SH3GL3: variants seen among roughly 807,000 people sequenced by gnomAD.
SH3GL3 encodes the protein SH3 domain containing GRB2 like 3, endophilin A3.
A neutral mutation model predicts 47.7 loss-of-function variants in SH3GL3; 33 were observed. The ratio of observed to expected loss-of-function variants is 0.69; its 90% CI spans 0.52 to 0.92. The LOEUF (loss-of-function observed/expected upper bound fraction) is 0.92. Ranked by LOEUF, SH3GL3 falls within the 40% of genes least tolerant of loss-of-function variation. SH3GL3 has a pLI of 0.00. For synonymous variants in SH3GL3, 155 were observed against 148.8 expected (o/e 1.04, Z -0.30); for missense variants, 363 against 417.8 (o/e 0.87, Z 1.14).
intron 1 of SH3GL3, among the ~76,000 whole-genome samples, chr15:83,509,538 T>G (rs766082322): frequency 6.6e-6 from 1 of 152,204 alleles, no homozygotes. Flanking sequence ...AGGTTAAGAC[T>G]TCATATGTCA....
At chr15:83,602,954 A>G (rs1257504001) in intron 8 of SH3GL3, among the ~76,000 whole-genome samples, 1 of 152,062 alleles carries the variant, frequency 6.6e-6, no homozygotes, top group Admixed American at 6.6e-5. Flanking sequence ...CTTACAGTTT[A>G]GTAGACACAG....
chr15:83,617,894 G>A (rs1033414655), intron 8 of SH3GL3, among the ~76,000 whole-genome samples, 188 bp from the exon 9 acceptor site: 6 of 152,068 alleles, frequency 3.9e-5, no homozygotes, highest in African/African-American at 7.2e-5. Context: ...TGGGGTTGGC[G>A]CAGGCAGCTG....
At chr15:83,584,136 T>G (rs752378884) in intron 6 of SH3GL3, among the ~76,000 whole-genome samples, 2 of 152,138 alleles carry the variant, frequency 1.3e-5, no homozygotes, top group Non-Finnish European at 2.9e-5. Flanking sequence ...AGAAGCTGCT[T>G]CTTTGCCTTT....
At chr15:83,609,263 T>A (rs1264458378) in intron 8 of SH3GL3, 1 of 456,022 alleles carries the variant, frequency 2.2e-6, no homozygotes, top group Admixed American at 2.3e-5. Context: ...GTTATCTGAT[T>A]TCCCAGCCTA....
At chr15:83,490,676 T>C (rs2041837976) in intron 1 of SH3GL3, 1 of 1,215,366 alleles carries the variant, frequency 8.2e-7, no homozygotes, top group Non-Finnish European at 1.1e-6. Flanking sequence ...GGATAGCACC[T>C]GCACATCAGG....
At chr15:83,553,412 C>G (rs2044766573) in intron 1 of SH3GL3, among the ~76,000 whole-genome samples, 1 of 151,978 alleles carries the variant, frequency 6.6e-6, no homozygotes, top group African/African-American at 2.4e-5. Flanking sequence ...GAATTTAATC[C>G]AATTATATAG....
downstream of SH3GL3, among the ~76,000 whole-genome samples, chr15:83,623,184 C>T (rs2060919629): frequency 3.3e-5 from 5 of 152,214 alleles, no homozygotes; most frequent in Non-Finnish European, 5.9e-5. Context: ...CAAACCTTAA[C>T]CCTTCTCTCA....
chr15:83,450,357 A>C (rs1189467968), intron 1 of SH3GL3, among the ~76,000 whole-genome samples: 2 of 152,220 alleles, frequency 1.3e-5, no homozygotes, highest in African/African-American at 2.4e-5. Context: ...TTCTTAAGTA[A>C]GTTAAGCATT....
chr15:83,472,428 T>C (rs1389735338), intron 1 of SH3GL3, among the ~76,000 whole-genome samples: 1 of 152,220 alleles, frequency 6.6e-6, no homozygotes, highest in African/African-American at 2.4e-5. Context: ...CTCTCTGTTG[T>C]TCAGATTGGG....
chr15:83,596,877 G>A (rs926190831), intron 8 of SH3GL3, among the ~76,000 whole-genome samples: 8 of 151,392 alleles, frequency 5.3e-5, no homozygotes, highest in Admixed American at 2.6e-4. Context: ...GTCCTTCCTC[G>A]GACAAAAAGT....
intron 6 of SH3GL3, among the ~76,000 whole-genome samples, chr15:83,583,836 C>T (rs971201933): frequency 3.3e-5 from 5 of 152,056 alleles, no homozygotes; most frequent in African/African-American, 1.2e-4. Context: ...AATGAAGTCC[C>T]CAGGCCCAGC....
At chr15:83,586,929 T>G in intron 6 of SH3GL3, 54 bp from the exon 7 acceptor site, 1 of 926,410 alleles carries the variant, frequency 1.1e-6, no homozygotes, top group South Asian at 1.5e-5. Context: ...CCTCTCTCTC[T>G]GGACATTACA....
chr15:83,577,447 C>T (rs2059712521), intron 6 of SH3GL3, among the ~76,000 whole-genome samples: 1 of 152,190 alleles, frequency 6.6e-6, no homozygotes, highest in Admixed American at 6.5e-5. Flanking sequence ...GTTGCCCAGG[C>T]TGGAGTGCAG....
chr15:83,511,684 C>T (rs2045288059), intron 1 of SH3GL3, among the ~76,000 whole-genome samples: 1 of 152,156 alleles, frequency 6.6e-6, no homozygotes, highest in South Asian at 2.1e-4. Flanking sequence ...TACAGCATCT[C>T]AGTCAGCTGC....
At chr15:83,611,579 C>T (rs964528921) in intron 8 of SH3GL3, 1 of 152,038 alleles carries the variant, frequency 6.6e-6, no homozygotes, top group Non-Finnish European at 1.5e-5. Context: ...CTATGCCCAG[C>T]GATTCCAGGT....
chr15:83,489,860 T>TAGAC (rs2041790251), intron 1 of SH3GL3, among the ~76,000 whole-genome samples: 1 of 149,876 alleles, frequency 6.7e-6, no homozygotes, highest in Non-Finnish European at 1.5e-5. Context: ...GATAGATAGA[T>TAGAC]AGATAGATAG....
intron 1 of SH3GL3, among the ~76,000 whole-genome samples, chr15:83,545,413 C>A (rs1476449638): frequency 1.3e-5 from 2 of 152,212 alleles, no homozygotes; most frequent in Admixed American, 1.3e-4. Flanking sequence ...ATTCTGAATT[C>A]CTTCACTGTA....
chr15:83,456,710 G>C (rs956485943), intron 1 of SH3GL3, among the ~76,000 whole-genome samples: 46 of 147,578 alleles, frequency 3.1e-4, no homozygotes, highest in Admixed American at 8.1e-4. Context: ...CCACTGTCTG[G>C]CACTCCCTAG....
chr15:83,473,409 C>G (rs1392465503), intron 1 of SH3GL3, among the ~76,000 whole-genome samples: 4 of 152,070 alleles, frequency 2.6e-5, no homozygotes, highest in African/African-American at 7.2e-5. Context: ...ATTTTGTTTT[C>G]TCTGTGGTCT....
Sources: allele counts gnomAD v4.1 joint callset (sites outside exome capture counted in the v4.1 genomes callset), GRCh38; gene constraint gnomAD v4.1.1; transcripts MANE v1.5; gene names NCBI Gene and HGNC (gene_info 2026-07-23, HGNC 2026-07-21).